Variants in IL17C observed in about 807,000 individuals in gnomAD.
The protein encoded by IL17C is interleukin 17C.
IL17C carries 13 observed loss-of-function variants against 11.0 expected under a neutral mutation model. That is an observed-to-expected ratio of 1.18 (90% CI 0.77 to 1.88). The LOEUF (loss-of-function observed/expected upper bound fraction) is 1.88, where lower values mean the gene tolerates loss of function less well. Ranked by LOEUF, IL17C falls within the 40% of genes most tolerant of loss-of-function variation. The probability of loss-of-function intolerance (pLI) is 0.00; values close to 1 mark genes in which losing one functional copy is unlikely to be tolerated. For synonymous variants in IL17C, 150 were observed against 125.8 expected (o/e 1.19, Z -1.29); for missense variants, 357 against 278.2 (o/e 1.28, Z -2.01).
At position 88,639,297 on chromosome 16, in the gene IL17C, C is replaced by G; in HGVS notation, c.323C>G (p.Pro108Arg). 6.3e-7 allele frequency: 1 copy of G among 1,598,304 alleles called. No homozygotes were observed. Among genetic ancestry groups the G allele is most frequent in the Non-Finnish European group, 8.5e-7 (1 of 1,172,052 alleles). ...GACACCCACCAGCGCTCCATCTCAC[C>G]CTGGAGATACCGGTGAGGACCTGGG... is the stretch of plus-strand genomic sequence containing the variant. The part of the protein sequence containing the change: ...EADTHQRSIS[P>R]WRYRVDTDED... The change falls in exon 2 of 3, where the codon CCC becomes CGC. Residue 108 changes from proline to arginine, a missense_variant. By Grantham distance (103) the Pro-to-Arg change is moderately radical. Coordinates refer to ENST00000244241, the MANE Select transcript of IL17C (RefSeq NM_013278.4). The surrounding 1 kb of genome is among the most constrained non-coding windows in gnomAD (Gnocchi z 5.1).
In IL17C at chr16:88,638,670, C is replaced by T. The variant is rs200672338; in HGVS notation, c.6+23C>T. The T allele has an allele frequency of 5.4e-5, 87 of 1,613,002 alleles. No homozygotes were observed. In the Middle Eastern group the frequency reaches 8.3e-4, roughly 15 times the overall value. On this transcript the variant is annotated intron_variant, in intron 1 of 2. Coordinates refer to ENST00000244241, the MANE Select transcript of IL17C (RefSeq NM_013278.4). ...ACGGTGAGCCTCTCCACATGCCGCT[C>T]GGATGGATGCTGCTTGGATGTGCAG... is the stretch of plus-strand genomic sequence containing the variant.
rs768954102 is a variant in IL17C, at chr16:88,638,611, T to G, written c.-31T>G. On this transcript the variant is annotated 5_prime_UTR_variant, in exon 1 of 3. Transcript: ENST00000244241. The stretch of plus-strand genomic sequence containing the variant: ...GATTGCCGCCAGGTGTGCAGGCCGC[T>G]CCAAGCCCAGCCTGCCCCGCTGCCG... 5 of 1,611,794 alleles carry G rather than the reference T, an allele frequency of 3.1e-6. No homozygotes were observed. In the South Asian group the frequency reaches 5.5e-5, roughly 18 times the overall value.
At chr16:88,638,927 G>T in intron 1 of IL17C, 54 bp from the exon 2 acceptor site, 1 of 1,443,720 alleles carries the variant, frequency 6.9e-7, no homozygotes, top group Non-Finnish European at 9.4e-7. Context: ...AGGTGGAAGT[G>T]AGGTGCCCCC....
Position 88,639,804 on chromosome 16 carries a change from C to T in IL17C, c.336-10C>T, listed in dbSNP as rs371700053. 2.4e-4 allele frequency: 366 copies of T among 1,534,416 alleles called. 1 individual carries two copies. The East Asian group carries it at 6.7e-3, about 28-fold the overall frequency. On this transcript the variant is annotated splice_polypyrimidine_tract_variant and intron_variant, in intron 2 of 2. Coordinates refer to ENST00000244241, the MANE Select transcript of IL17C (RefSeq NM_013278.4). This position sits in a 1 kb window ranked among gnomAD's most constrained non-coding sequence, Gnocchi z 5.1. ...AGGGCCAGAGACTCACTGTGCACCC[C>T]GTCCCGCAGTGTGGACACGGATGAG...
At position 88,638,624 on chromosome 16, in the gene IL17C, T is replaced by C; in HGVS notation, c.-18T>C. 6.2e-7 allele frequency: 1 copy of C among 1,612,424 alleles called. No individual in the cohort carries two copies. The highest frequency in any genetic ancestry group is 8.5e-7 in the Non-Finnish European group (1 of 1,179,962). ...TGTGCAGGCCGCTCCAAGCCCAGCCTGCCCCGCTGCCGCCACCATGACGGT... is the reference window on the plus strand; with the variant it reads ...TGTGCAGGCCGCTCCAAGCCCAGCCCGCCCCGCTGCCGCCACCATGACGGT... On this transcript the variant is annotated 5_prime_UTR_variant, in exon 1 of 3. Transcript: ENST00000244241.
chr16:88,639,310 G>T lies in IL17C; in HGVS notation c.335+1G>T. The T allele has an allele frequency of 1.3e-6, 2 of 1,586,626 alleles. No individual in the cohort carries two copies. Among genetic ancestry groups the T allele is most frequent in the Non-Finnish European group, 1.7e-6 (2 of 1,166,346 alleles). On this transcript the variant is annotated splice_donor_variant, in intron 2 of 2. Coordinates refer to ENST00000244241, the MANE Select transcript of IL17C (RefSeq NM_013278.4). LOFTEE classifies it high-confidence loss of function. The surrounding 1 kb of genome is among the most constrained non-coding windows in gnomAD (Gnocchi z 5.1). The stretch of plus-strand genomic sequence containing the variant: ...GCTCCATCTCACCCTGGAGATACCG[G>T]TGAGGACCTGGGGATTCCGCTGTGG...
At position 88,639,051 on chromosome 16, in the gene IL17C, G is replaced by A. The variant is rs765866001; in HGVS notation, c.77G>A (p.Gly26Glu). Residue 26 changes from glycine to glutamate, a missense_variant, in exon 2 of 3, where the codon GGG becomes GAG. Coordinates refer to ENST00000244241, the MANE Select transcript of IL17C (RefSeq NM_013278.4). This position sits in a 1 kb window ranked among gnomAD's most constrained non-coding sequence, Gnocchi z 5.1. ...GCCCACCATGACCCCTCCCTCAGGG[G>A]GCACCCCCACAGTCACGGTACCCCA... ...CLAHHDPSLR[G>E]HPHSHGTPHC... 6.2e-6 allele frequency: 10 copies of A among 1,610,438 alleles called. No homozygotes were observed. The South Asian group carries it at 8.8e-5, about 14-fold the overall frequency.
rs527447786 is a variant in IL17C, at chr16:88,640,397, A to G, written c.*325A>G. 65 of 340,674 alleles carry G rather than the reference A, an allele frequency of 1.9e-4. No homozygotes were observed. The South Asian group carries it at 5.5e-3, about 29-fold the overall frequency. The allele number at this position is 340,674 out of a possible 1,614,324, so 21.1% of individuals were successfully genotyped here. A position where few individuals can be genotyped will look rare whatever the true frequency, so the allele number is the denominator to read the frequency against. On this transcript the variant is annotated 3_prime_UTR_variant, in exon 3 of 3. Transcript: ENST00000244241. ...GGCCCCCGCAGGCTGCCTCTTCCCA[A>G]CCTCCTTGGAAGTACCCCTGTTTCT...
At chr16:88,638,946 G>T in intron 1 of IL17C, 35 bp from the exon 2 acceptor site, 1 of 1,524,540 alleles carries the variant, frequency 6.6e-7, no homozygotes. Flanking sequence ...CCTGCCCTGG[G>T]CACCTCCTAA....
rs1906968991 is a variant in IL17C at position 88,638,843 on chromosome 16, T to G, written c.7-138T>G. The G allele has an allele frequency of 1.3e-5, 15 of 1,145,960 alleles. No individual in the cohort carries two copies. In the East Asian group the frequency reaches 3.6e-4, roughly 28 times the overall value. 71.0% of individuals were successfully genotyped at this position (1,145,960 alleles called of 1,614,324 possible). ...GGTGTCTTGGGCTGAAGGGCTAGCC[T>G]CTCTGGGCTTCAGTTTCCCCATCTA... On this transcript the variant is annotated intron_variant, in intron 1 of 2. Coordinates refer to ENST00000244241, the MANE Select transcript of IL17C (RefSeq NM_013278.4).
chr16:88,639,743 G>A lies in IL17C; in HGVS notation c.336-71G>A. On this transcript the variant is annotated intron_variant, in intron 2 of 2. Coordinates refer to ENST00000244241, the MANE Select transcript of IL17C (RefSeq NM_013278.4). This position sits in a 1 kb window ranked among gnomAD's most constrained non-coding sequence, Gnocchi z 5.1. ...TCCTATCCTGAGTACACGGAGAGGG[G>A]CCCTGAGGGGAGAGGGGCCTCCAGG... is the stretch of plus-strand genomic sequence containing the variant. The A allele has an allele frequency of 6.9e-7, 1 of 1,449,912 alleles. No individual in the cohort carries two copies. The highest frequency in any genetic ancestry group is 9.1e-7 in the Non-Finnish European group (1 of 1,096,882). The allele number at this position is 1,449,912 out of a possible 1,614,324, so 89.8% of individuals were successfully genotyped here.
chr16:88,639,387 G>A lies in IL17C; in HGVS notation c.335+78G>A, dbSNP rs1906991976. On this transcript the variant is annotated intron_variant, in intron 2 of 2. Coordinates refer to ENST00000244241, the MANE Select transcript of IL17C (RefSeq NM_013278.4). This position sits in a 1 kb window ranked among gnomAD's most constrained non-coding sequence, Gnocchi z 5.1. ...GCCCTGACTGCCCGGAGAGCTCTCT[G>A]GGCCTTGGTGGTTCTCACCTGTCAA... 2.2e-6 allele frequency: 3 copies of A among 1,378,244 alleles called. No individual in the cohort carries two copies. The highest frequency in any genetic ancestry group is 1.4e-5 in the African/African-American group (1 of 69,238). 85.4% of individuals were successfully genotyped at this position (1,378,244 alleles called of 1,614,324 possible).
At position 88,639,543 on chromosome 16, in the gene IL17C, C is replaced by T. The variant is rs1229941571; in HGVS notation, c.335+234C>T. Among the ~76,000 whole-genome samples, 1 of 152,124 alleles carries T rather than the reference C, an allele frequency of 6.6e-6. No homozygotes were observed. Among genetic ancestry groups the T allele is most frequent in the African/African-American group, 2.4e-5 (1 of 41,430 alleles). ...AGGGTCCCCTGGGGAAATTCTGGGC[C>T]CGTCACCTGAGCTCCTGCAGAAGTG... On this transcript the variant is annotated intron_variant, in intron 2 of 2. Coordinates refer to ENST00000244241, the MANE Select transcript of IL17C (RefSeq NM_013278.4). This position sits in a 1 kb window ranked among gnomAD's most constrained non-coding sequence, Gnocchi z 5.1.
Position 88,638,660 on chromosome 16 carries a change from A to G in IL17C, c.6+13A>G, listed in dbSNP as rs769202524. 3.7e-6 allele frequency: 6 copies of G among 1,612,802 alleles called. No homozygotes were observed. The highest frequency in any genetic ancestry group is 1.1e-5 in the South Asian group (1 of 91,080). ...CGCCACCATGACGGTGAGCCTCTCC[A>G]CATGCCGCTCGGATGGATGCTGCTT... On this transcript the variant is annotated intron_variant, in intron 1 of 2. Transcript: ENST00000244241.
intron 1 of IL17C, 165 bp from the exon 2 acceptor site, chr16:88,638,816 T>TG (rs1361613590): frequency 8.3e-6 from 10 of 1,201,068 alleles, no homozygotes; most frequent in Non-Finnish European, 1.2e-5. Context: ...GCTGGCATGC[T>TG]GGGTGTCTTG....
Position 88,640,299 on chromosome 16 carries a change from A to G in IL17C, c.*227A>G. The G allele has an allele frequency of 2.0e-6, 1 of 498,848 alleles. No individual in the cohort carries two copies. Among genetic ancestry groups the G allele is most frequent in the Non-Finnish European group, 3.5e-6 (1 of 288,670 alleles). The allele number at this position is 498,848 out of a possible 1,614,324, so 30.9% of individuals were successfully genotyped here. A position where few individuals can be genotyped will look rare whatever the true frequency, so the allele number is the denominator to read the frequency against. On this transcript the variant is annotated 3_prime_UTR_variant, in exon 3 of 3. Coordinates refer to ENST00000244241, the MANE Select transcript of IL17C (RefSeq NM_013278.4). Reference sequence around the variant, plus strand: ...CTTCCAGCCCTTAAAGCTGCAGAAAAGGTGTCACACGGCTGCCTGTACCTT... The same window carrying G: ...CTTCCAGCCCTTAAAGCTGCAGAAAGGGTGTCACACGGCTGCCTGTACCTT...
In IL17C at chr16:88,639,338, T is replaced by C; in HGVS notation, c.335+29T>C. On this transcript the variant is annotated intron_variant, in intron 2 of 2. Transcript: ENST00000244241. The surrounding 1 kb of genome is among the most constrained non-coding windows in gnomAD (Gnocchi z 5.1). ...AGGACCTGGGGATTCCGCTGTGGCG[T>C]GGGGCTGCCCCTCCCCTGGCGGGGC... 1 of 1,524,152 alleles carries C rather than the reference T, an allele frequency of 6.6e-7. No homozygotes were observed. Among genetic ancestry groups the C allele is most frequent in the Non-Finnish European group, 8.8e-7 (1 of 1,135,058 alleles). 94.4% of individuals were successfully genotyped at this position (1,524,152 alleles called of 1,614,324 possible).
chr16:88,639,400 T>G lies in IL17C; in HGVS notation c.335+91T>G. ...GGAGAGCTCTCTGGGCCTTGGTGGT[T>G]CTCACCTGTCAAGTGGGCGTGGCCA... On this transcript the variant is annotated intron_variant, in intron 2 of 2. Transcript: ENST00000244241. This position sits in a 1 kb window ranked among gnomAD's most constrained non-coding sequence, Gnocchi z 5.1. The G allele has an allele frequency of 7.9e-7, 1 of 1,266,368 alleles. No individual in the cohort carries two copies. The highest frequency in any genetic ancestry group is 1.1e-6 in the Non-Finnish European group (1 of 941,900). 78.4% of individuals were successfully genotyped at this position (1,266,368 alleles called of 1,614,324 possible). A position where few individuals can be genotyped will look rare whatever the true frequency, so the allele number is the denominator to read the frequency against.
In IL17C at chr16:88,640,396, A is replaced by C. The variant is rs535487353; in HGVS notation, c.*324A>C. The C allele has an allele frequency of 3.3e-4, 115 of 348,582 alleles. 1 individual carries two copies. In the South Asian group the frequency reaches 7.3e-3, roughly 22 times the overall value. The allele number at this position is 348,582 out of a possible 1,614,324, so 21.6% of individuals were successfully genotyped here. A position where few individuals can be genotyped will look rare whatever the true frequency, so the allele number is the denominator to read the frequency against. On this transcript the variant is annotated 3_prime_UTR_variant, in exon 3 of 3. Coordinates refer to ENST00000244241, the MANE Select transcript of IL17C (RefSeq NM_013278.4). ...AGGCCCCCGCAGGCTGCCTCTTCCC[A>C]ACCTCCTTGGAAGTACCCCTGTTTC... is the stretch of plus-strand genomic sequence containing the variant.
Sources: gnomAD v4.1 joint callset for allele counts (sites outside exome capture counted in the v4.1 genomes callset) on GRCh38, gnomAD v4.1.1 for gene constraint, Gnocchi (gnomAD v3.1) non-coding constraint, MANE v1.5 for transcripts, NCBI Gene and HGNC (gene_info 2026-07-23, HGNC 2026-07-21) for gene names.